Variants in ELF4 observed in about 807,000 individuals in gnomAD.
The protein encoded by ELF4 is E74 like ETS transcription factor 4.
A neutral mutation model predicts 31.7 loss-of-function variants in ELF4; 10 were observed. The ratio of observed to expected loss-of-function variants is 0.32; its 90% CI spans 0.19 to 0.54. The LOEUF is 0.54. Ranked by LOEUF, ELF4 falls within the 20% of genes least tolerant of loss-of-function variation. The pLI, the probability that ELF4 is intolerant of heterozygous loss-of-function variation, is 0.95. For missense variants in ELF4, 418 were observed against 522.0 expected (o/e 0.80, Z 1.94); for synonymous variants, 208 against 226.7 (o/e 0.92, Z 0.74).
chrX:130,101,698 C>T (rs12558783), intron 1 of ELF4, among the ~76,000 whole-genome samples: 12,685 of 109,791 alleles, frequency 0.12, 698 homozygotes, highest in Non-Finnish European at 0.15. Context: ...GGTCGGGAGG[C>T]TGAGGCAGGA....
chrX:130,081,109 C>T (rs1437802932), intron 2 of ELF4, 147 bp downstream of exon 2: 1 of 719,095 alleles, frequency 1.4e-6, no homozygotes, highest in East Asian at 3.2e-5. Context: ...CAAGCAGGGC[C>T]AGTGCCCTGA....
At chrX:130,077,990 TA>T (rs1932849120) in intron 2 of ELF4, among the ~76,000 whole-genome samples, 1 of 111,518 alleles carries the variant, frequency 9.0e-6, no homozygotes, top group African/African-American at 3.3e-5. Context: ...AGTAGCTTCC[TA>T]AAAGGAGTGA....
At position 130,072,490 on chromosome X, in the gene ELF4, C is replaced by T. The variant is rs933793778; in HGVS notation, c.341-73G>A. On this transcript the variant is annotated intron_variant, in intron 4 of 8. Coordinates refer to ENST00000308167, the MANE Select transcript of ELF4 (RefSeq NM_001421.4). ...GCGGGGTCTCCCAGCGCTGGAGAGA[C>T]GGGTAGGTTCCAAGGGAGGGCGGGG... The T allele has an allele frequency of 2.0e-5, 22 of 1,083,593 alleles. No homozygotes were observed. In the African/African-American group the frequency reaches 2.6e-4, roughly 13 times the overall value. 89.3% of individuals were successfully genotyped at this position (1,083,593 alleles called of 1,213,427 possible).
chrX:130,084,600 G>A (rs968797439), intron 1 of ELF4, among the ~76,000 whole-genome samples: 15 of 111,757 alleles, frequency 1.3e-4, no homozygotes, highest in Non-Finnish European at 1.9e-4. Context: ...AGCACCCGAG[G>A]CTCATCCTGG....
At position 130,066,959 on chromosome X, in the gene ELF4, G is replaced by A; in HGVS notation, c.1754C>T (p.Ser585Phe). The A allele has an allele frequency of 8.2e-7, 1 of 1,212,196 alleles. No individual in the cohort carries two copies. The highest frequency in any genetic ancestry group is 1.1e-6 in the Non-Finnish European group (1 of 895,589). ...AAGGCTCGGATTGTGGGAACCCCTG[G>A]AAACCACCTGGGTTGGAAGTGGCTG... ...HLQPLPTQVV[S>F]RGSHNPSLLG... Residue 585 changes from serine (S) to phenylalanine (F), a missense_variant, in exon 9 of 9, where the codon TCC (serine) becomes TTC (phenylalanine). Around this residue, in one of 4 missense-constraint regions of ELF4, gnomAD observed 260 missense variants for 269.2 expected, o/e 0.97. Transcript: ENST00000308167.
intron 1 of ELF4, among the ~76,000 whole-genome samples, chrX:130,105,736 TG>T (rs1933365980): frequency 9.0e-6 from 1 of 111,464 alleles, no homozygotes. Flanking sequence ...CCCAGAACCC[TG>T]GGGAAAAGGT....
At chrX:130,085,894 T>C (rs1932953520) in intron 1 of ELF4, among the ~76,000 whole-genome samples, 1 of 112,010 alleles carries the variant, frequency 8.9e-6, no homozygotes, top group Non-Finnish European at 1.9e-5. Flanking sequence ...AAACAGCCCG[T>C]CCTCAGGCGA....
At position 130,091,655 on chromosome X, in the gene ELF4, G is replaced by A. The variant is rs746663154; in HGVS notation, c.-209-10116C>T. On this transcript the variant is annotated intron_variant, in intron 1 of 8. Coordinates refer to ENST00000308167, the MANE Select transcript of ELF4 (RefSeq NM_001421.4). The stretch of plus-strand genomic sequence containing the variant: ...GATGGAGGTGCCTGCAGGGAGGTGT[G>A]GGATGCCAAATACAACTCAGCAGAT... Among the ~76,000 whole-genome samples the A allele has an allele frequency of 6.3e-5, 7 of 110,949 alleles. No individual in the cohort carries two copies. The East Asian group carries it at 1.7e-3, about 27-fold the overall frequency.
At chrX:130,074,492 G>T in intron 3 of ELF4, 89 bp downstream of exon 3, 1 of 1,152,423 alleles carries the variant, frequency 8.7e-7, no homozygotes, top group South Asian at 1.8e-5. Context: ...ATTCTGCACG[G>T]GGTTACTAGA....
At position 130,065,015 on chromosome X, in the gene ELF4, A is replaced by ATACATTG. The variant is rs1932628892; in HGVS notation, c.*1705_*1706insCAATGTA. 1 of 171,083 alleles carries ATACATTG rather than the reference A, an allele frequency of 5.8e-6. No homozygotes were observed. Among genetic ancestry groups the ATACATTG allele is most frequent in the South Asian group, 3.1e-4 (1 of 3,184 alleles). 14.1% of individuals were successfully genotyped at this position (171,083 alleles called of 1,213,427 possible). A position where few individuals can be genotyped will look rare whatever the true frequency, so the allele number is the denominator to read the frequency against. ...ATAGTAAATACATTTGCACAACCAA[A>ATACATTG]CACAGTGCCCTCCAGGGGGCAGGGA... is the stretch of plus-strand genomic sequence containing the variant. On this transcript the variant is annotated 3_prime_UTR_variant, in exon 9 of 9. Transcript: ENST00000308167.
chrX:130,066,931 C>T lies in ELF4; in HGVS notation c.1782G>A (p.Leu594=), dbSNP rs928088322. Residue 594 remains leucine (L), a synonymous_variant, in exon 9 of 9, where the codon CTG becomes CTA. Transcript: ENST00000308167. The stretch of plus-strand genomic sequence containing the variant: ...TGGGAGGAGACAAAGTCTGGTTGCC[C>T]AGAAGGCTCGGATTGTGGGAACCCC... ...VSRGSHNPSL[L]GNQTLSPPSR... The T allele has an allele frequency of 8.3e-7, 1 of 1,212,048 alleles. No homozygotes were observed. Among genetic ancestry groups the T allele is most frequent in the Non-Finnish European group, 1.1e-6 (1 of 895,571 alleles).
chrX:130,076,143 A>G (rs1932832384), intron 2 of ELF4, among the ~76,000 whole-genome samples: 1 of 111,800 alleles, frequency 8.9e-6, no homozygotes, highest in Non-Finnish European at 1.9e-5. Flanking sequence ...TTGAGATGAG[A>G]ATTCAACCCC....
chrX:130,102,120 C>T (rs1933273044), intron 1 of ELF4, among the ~76,000 whole-genome samples: 1 of 113,085 alleles, frequency 8.8e-6, no homozygotes, highest in Non-Finnish European at 1.9e-5. Flanking sequence ...GCACTCCAGC[C>T]TGGGCGACGG....
At chrX:130,102,591 A>T (rs1282910424) in intron 1 of ELF4, among the ~76,000 whole-genome samples, 2 of 110,161 alleles carry the variant, frequency 1.8e-5, no homozygotes, top group Non-Finnish European at 3.8e-5. Context: ...AGCTGGGAGG[A>T]TAGCTTGAGG....
chrX:130,070,418 CA>C (rs1330590498), intron 7 of ELF4, among the ~76,000 whole-genome samples: 1 of 109,725 alleles, frequency 9.1e-6, no homozygotes, highest in Admixed American at 9.8e-5. Context: ...ACTAAAAATA[CA>C]AAAAAATTAG....
chrX:130,079,296 G>T (rs1451875220), intron 2 of ELF4, among the ~76,000 whole-genome samples: 1 of 110,159 alleles, frequency 9.1e-6, no homozygotes, highest in Admixed American at 9.7e-5. Context: ...TGTATCTACT[G>T]AAAATACAAA....
At chrX:130,094,523 C>T (rs1384524578) in intron 1 of ELF4, among the ~76,000 whole-genome samples, 4 of 108,848 alleles carry the variant, frequency 3.7e-5, no homozygotes, top group African/African-American at 1.0e-4. Flanking sequence ...GCCAAGATCA[C>T]GCCACTGCAC....
chrX:130,104,146 C>T (rs1438340467), intron 1 of ELF4, among the ~76,000 whole-genome samples: 1 of 111,353 alleles, frequency 9.0e-6, no homozygotes, highest in African/African-American at 3.3e-5. Flanking sequence ...AAGAAACTAA[C>T]TTACTCTTAT....
intron 5 of ELF4, 85 bp from the exon 6 acceptor site, chrX:130,071,504 AAGG>A: frequency 1.0e-6 from 1 of 960,530 alleles, no homozygotes; most frequent in Non-Finnish European, 1.5e-6. Context: ...CAAAGCCAAC[AAGG>A]AGGAGGCAGG....
Sources: allele counts gnomAD v4.1 joint callset (sites outside exome capture counted in the v4.1 genomes callset), GRCh38; gene constraint gnomAD v4.1.1; regional missense constraint gnomAD v4.1.1; transcripts MANE v1.5; gene names NCBI Gene and HGNC (gene_info 2026-07-23, HGNC 2026-07-21).